PLPP4: variants seen among roughly 807,000 people sequenced by gnomAD.
PLPP4 encodes the protein phospholipid phosphatase 4.
PLPP4 carries 20 observed loss-of-function variants against 32.2 expected under a neutral mutation model. The ratio of observed to expected loss-of-function variants is 0.62; its 90% CI spans 0.44 to 0.90. The LOEUF (loss-of-function observed/expected upper bound fraction) is 0.90. PLPP4 is among the 40% of genes least tolerant of loss of function. The pLI, the probability that PLPP4 is intolerant of heterozygous loss-of-function variation, is 0.00. For synonymous variants in PLPP4, 127 were observed against 133.0 expected (o/e 0.95, Z 0.31); for missense variants, 257 against 353.1 (o/e 0.73, Z 2.18).
intron 5 of PLPP4, among the ~76,000 whole-genome samples, chr10:120,568,298 G>A (rs1848778041): frequency 6.6e-6 from 1 of 152,246 alleles, no homozygotes; most frequent in African/African-American, 2.4e-5. Flanking sequence ...AGACCCTCAT[G>A]CAAGGCTGCC....
At chr10:120,457,449 C>T in intron 1 of PLPP4, 88 bp downstream of exon 1, 1 of 1,223,300 alleles carries the variant, frequency 8.2e-7, no homozygotes, top group Non-Finnish European at 1.1e-6. Context: ...GTTTGCGCAG[C>T]CGCTTCCCAC....
chr10:120,547,156 T>C (rs775623936), intron 5 of PLPP4, among the ~76,000 whole-genome samples: 10 of 152,118 alleles, frequency 6.6e-5, no homozygotes, highest in Non-Finnish European at 1.2e-4. Context: ...TTTTTCTTCA[T>C]TTTCTAAAAT....
At chr10:120,536,506 G>T (rs751371996) in intron 5 of PLPP4, among the ~76,000 whole-genome samples, 10 of 151,630 alleles carry the variant, frequency 6.6e-5, no homozygotes, top group Non-Finnish European at 1.0e-4. Flanking sequence ...AGTGAAATTG[G>T]GTCCTTATCT....
At chr10:120,461,973 C>G (rs1216859281) in intron 1 of PLPP4, among the ~76,000 whole-genome samples, 12 of 152,146 alleles carry the variant, frequency 7.9e-5, no homozygotes, top group Non-Finnish European at 5.9e-5. Context: ...GAAATATCGA[C>G]AAAAACAGAC....
At chr10:120,471,889 C>G (rs1848533004) in intron 1 of PLPP4, among the ~76,000 whole-genome samples, 1 of 151,872 alleles carries the variant, frequency 6.6e-6, no homozygotes, top group Non-Finnish European at 1.5e-5. Context: ...TTAGCTATAT[C>G]TCTTTAAAAA....
intron 1 of PLPP4, among the ~76,000 whole-genome samples, chr10:120,493,189 T>A (rs777594939): frequency 2.6e-5 from 4 of 152,256 alleles, no homozygotes; most frequent in Non-Finnish European, 4.4e-5. Flanking sequence ...TGTTTCATTT[T>A]TGATTGTTTT....
intron 6 of PLPP4, among the ~76,000 whole-genome samples, chr10:120,587,787 G>A (rs1024987906): frequency 1.3e-5 from 2 of 152,226 alleles, no homozygotes; most frequent in Admixed American, 6.5e-5. Flanking sequence ...TACAGGAGAT[G>A]CAGGGACATT....
intron 1 of PLPP4, among the ~76,000 whole-genome samples, chr10:120,461,043 C>T (rs1309176275): frequency 6.6e-6 from 1 of 152,178 alleles, no homozygotes; most frequent in Non-Finnish European, 1.5e-5. Context: ...TCCATGACTC[C>T]TTATCTCCAG....
chr10:120,584,968 G>T (rs1849685991), intron 6 of PLPP4, among the ~76,000 whole-genome samples: 1 of 152,196 alleles, frequency 6.6e-6, no homozygotes, highest in African/African-American at 2.4e-5. Flanking sequence ...TCTTGGAATG[G>T]TTTGATGTCT....
intron 6 of PLPP4, chr10:120,581,173 G>T: frequency 1.6e-5 from 16 of 985,434 alleles, no homozygotes; most frequent in Non-Finnish European, 1.9e-5. Flanking sequence ...TCCCCGTGAT[G>T]TAATTCCCAG....
At chr10:120,540,555 C>T (rs1225413923) in intron 5 of PLPP4, among the ~76,000 whole-genome samples, 1 of 152,206 alleles carries the variant, frequency 6.6e-6, no homozygotes, top group Non-Finnish European at 1.5e-5. Context: ...AGAGGCATCG[C>T]ATCCTCCTGG....
chr10:120,578,388 A>G (rs1589921382), intron 6 of PLPP4, among the ~76,000 whole-genome samples: 1 of 152,214 alleles, frequency 6.6e-6, no homozygotes, highest in Non-Finnish European at 1.5e-5. Flanking sequence ...GGGGCCATCC[A>G]TCATGGTGAG....
intron 5 of PLPP4, among the ~76,000 whole-genome samples, chr10:120,523,034 A>T (rs1326053283): frequency 6.6e-6 from 1 of 152,202 alleles, no homozygotes; most frequent in Non-Finnish European, 1.5e-5. Context: ...GCAGTGGCTC[A>T]CGCCTGTAAT....
At chr10:120,570,812 C>T (rs1389874504) in intron 5 of PLPP4, among the ~76,000 whole-genome samples, 9 of 152,134 alleles carry the variant, frequency 5.9e-5, no homozygotes, top group Non-Finnish European at 1.3e-4. Flanking sequence ...CTGGTGTTAC[C>T]GCCTATGTCA....
rs530888524 is a variant in PLPP4, at chr10:120,534,251, T to C, written c.445+13156T>C. 2.2e-4 allele frequency among the ~76,000 whole-genome samples: 34 copies of C among 152,174 alleles called. No homozygotes were observed. The East Asian group carries it at 2.3e-3, about 10-fold the overall frequency. Reference sequence around the variant, plus strand: ...TTTTGTCTTGATTGACTTTTTTTTTTCCTTGAGTCTATTGTTCTGTTTTCT... The same window carrying C: ...TTTTGTCTTGATTGACTTTTTTTTTCCCTTGAGTCTATTGTTCTGTTTTCT... On this transcript the variant is annotated intron_variant, in intron 5 of 6. Coordinates refer to ENST00000398250, the MANE Select transcript of PLPP4 (RefSeq NM_001030059.3).
chr10:120,565,141 T>C (rs1284626569), intron 5 of PLPP4, among the ~76,000 whole-genome samples: 2 of 152,200 alleles, frequency 1.3e-5, no homozygotes, highest in Non-Finnish European at 2.9e-5. Context: ...GACAATGTTA[T>C]CTGGTATTTT....
intron 6 of PLPP4, chr10:120,587,569 A>G (rs558001335): frequency 6.6e-6 from 1 of 152,350 alleles, no homozygotes; most frequent in South Asian, 2.1e-4. Context: ...CTTCATAGAA[A>G]CTGAAAGTAG....
chr10:120,556,349 ATGTT>A (rs1848165126), intron 5 of PLPP4, among the ~76,000 whole-genome samples: 1 of 151,976 alleles, frequency 6.6e-6, no homozygotes, highest in Non-Finnish European at 1.5e-5. Context: ...GATTTTTCTG[ATGTT>A]TGTTCTCCTT....
chr10:120,576,036 A>T (rs1419395917), intron 6 of PLPP4, among the ~76,000 whole-genome samples: 3 of 152,150 alleles, frequency 2.0e-5, no homozygotes, highest in African/African-American at 7.2e-5. Context: ...AGGGTTTCCC[A>T]AGGGCAATCC....
Sources: gnomAD v4.1 joint callset for allele counts (sites outside exome capture counted in the v4.1 genomes callset) on GRCh38, gnomAD v4.1.1 for gene constraint, MANE v1.5 for transcripts, NCBI Gene and HGNC (gene_info 2026-07-23, HGNC 2026-07-21) for gene names.